The following GRIA3 variants were observed in gnomAD, a reference collection of about 807,000 sequenced individuals.
The protein encoded by GRIA3 is glutamate receptor 3.
GRIA3 carries 3 observed loss-of-function variants against 63.0 expected under a neutral mutation model. That is an observed-to-expected ratio of 0.05 (90% CI 0.02 to 0.12). The LOEUF (loss-of-function observed/expected upper bound fraction) is 0.12. Ranked by LOEUF, GRIA3 falls within the 10% of genes least tolerant of loss-of-function variation. The pLI, the probability that GRIA3 is intolerant of heterozygous loss-of-function variation, is 1.00. For synonymous variants in GRIA3, 274 were observed against 257.9 expected, an observed-to-expected ratio of 1.06 and a Z score of -0.60; for missense variants, 347 against 700.9, an observed-to-expected ratio of 0.50 and a Z score of 5.70.
chrX:123,442,741 T>G (rs2045682014), intron 12 of GRIA3, among the ~76,000 whole-genome samples: 1 of 111,572 alleles, frequency 9.0e-6, no homozygotes, highest in Admixed American at 9.5e-5. Flanking sequence ...GTTTTTCCAA[T>G]AATCTGTGTT....
intron 12 of GRIA3, among the ~76,000 whole-genome samples, chrX:123,429,613 T>C (rs1033233912): frequency 1.3e-4 from 15 of 111,834 alleles, no homozygotes; most frequent in African/African-American, 4.9e-4. Flanking sequence ...ATCTGATGAG[T>C]AGTCAACACA....
intron 5 of GRIA3, among the ~76,000 whole-genome samples, chrX:123,356,354 C>T (rs1201325288): frequency 9.2e-6 from 1 of 108,917 alleles, no homozygotes; most frequent in Non-Finnish European, 1.9e-5. Context: ...TCTCTTTCCC[C>T]TTTCCTTCTC....
At chrX:123,416,282 A>G (rs1047763929) in intron 10 of GRIA3, among the ~76,000 whole-genome samples, 6 of 111,862 alleles carry the variant, frequency 5.4e-5, no homozygotes, top group African/African-American at 1.6e-4. Flanking sequence ...TTGAAAATAT[A>G]CTCTATATCA....
chrX:123,284,298 G>A (rs963780416), intron 3 of GRIA3, among the ~76,000 whole-genome samples: 14 of 111,654 alleles, frequency 1.3e-4, no homozygotes, highest in South Asian at 1.1e-3. Context: ...AAGAAAAACC[G>A]GCACAAAAAG....
chrX:123,299,140 A>G (rs1281204405), intron 3 of GRIA3, among the ~76,000 whole-genome samples: 1 of 111,425 alleles, frequency 9.0e-6, no homozygotes, highest in Non-Finnish European at 1.9e-5. Context: ...GCCTTGTACT[A>G]TAGTATGAAG....
chrX:123,386,374 T>A (rs2045354281), intron 5 of GRIA3, among the ~76,000 whole-genome samples: 1 of 111,982 alleles, frequency 8.9e-6, no homozygotes, highest in South Asian at 3.7e-4. Context: ...GTTGGATGAA[T>A]AGTTTACAAA....
At chrX:123,354,392 C>G (rs2045118882) in intron 4 of GRIA3, among the ~76,000 whole-genome samples, 1 of 111,909 alleles carries the variant, frequency 8.9e-6, no homozygotes, top group African/African-American at 3.2e-5. Flanking sequence ...CAAACTAAAG[C>G]AGGAAAAGGA....
chrX:123,290,416 G>T (rs747476953), intron 3 of GRIA3, among the ~76,000 whole-genome samples: 1 of 111,590 alleles, frequency 9.0e-6, no homozygotes, highest in East Asian at 2.8e-4. Flanking sequence ...ACACAGAGTA[G>T]ATTAACTAAT....
At chrX:123,347,541 C>T (rs1403797775) in intron 4 of GRIA3, among the ~76,000 whole-genome samples, 1 of 112,142 alleles carries the variant, frequency 8.9e-6, no homozygotes, top group Non-Finnish European at 1.9e-5. Flanking sequence ...ATGGAAAATG[C>T]ATAGACGAGG....
chrX:123,208,556 T>C (rs746361586), intron 2 of GRIA3, among the ~76,000 whole-genome samples: 3 of 112,257 alleles, frequency 2.7e-5, no homozygotes, highest in Admixed American at 9.4e-5. Context: ...ACTCAAACCA[T>C]TGAAGTCAGA....
At chrX:123,201,935 A>G (rs764711393) in intron 2 of GRIA3, among the ~76,000 whole-genome samples, 1 of 112,109 alleles carries the variant, frequency 8.9e-6, no homozygotes, top group Non-Finnish European at 1.9e-5. Flanking sequence ...GATTGCTGTC[A>G]TCCCCGGCAA....
At chrX:123,412,812 T>A (rs2045514273) in intron 10 of GRIA3, among the ~76,000 whole-genome samples, 1 of 111,098 alleles carries the variant, frequency 9.0e-6, no homozygotes, top group Admixed American at 9.6e-5. Context: ...TCTACATCAG[T>A]GAGGTACAAC....
chrX:123,270,456 T>C (rs1441813606), intron 3 of GRIA3, among the ~76,000 whole-genome samples: 1 of 112,757 alleles, frequency 8.9e-6, no homozygotes, highest in East Asian at 2.8e-4. Context: ...CTAAAGTCAG[T>C]GTTCCCCAAA....
chrX:123,483,114 T>A (rs933015377), intron 15 of GRIA3, 68 bp downstream of exon 15: 3 of 815,355 alleles, frequency 3.7e-6, no homozygotes, highest in Non-Finnish European at 5.3e-6. Flanking sequence ...TTTTCTTCTT[T>A]TTTTTTTTTT....
chrX:123,323,673 T>C (rs745561173), intron 3 of GRIA3, among the ~76,000 whole-genome samples: 5 of 111,629 alleles, frequency 4.5e-5, no homozygotes, highest in Non-Finnish European at 5.6e-5. Flanking sequence ...GAGGCCATTT[T>C]CCAGATTTGA....
chrX:123,287,636 GC>G (rs1267582361), intron 3 of GRIA3, among the ~76,000 whole-genome samples: 1 of 111,534 alleles, frequency 9.0e-6, no homozygotes, highest in African/African-American at 3.3e-5. Flanking sequence ...CAAACAGAGA[GC>G]CAATTCATGA....
At chrX:123,368,711 T>C (rs2045229025) in intron 5 of GRIA3, among the ~76,000 whole-genome samples, 1 of 109,773 alleles carries the variant, frequency 9.1e-6, no homozygotes, top group Non-Finnish European at 1.9e-5. Context: ...TTTACAAAAG[T>C]TTCAGAAAGG....
chrX:123,225,172 G>A lies in GRIA3; in HGVS notation c.269-28131G>A, dbSNP rs143950282. ...GTATGTAATTTGGGGCAAGTCAACC[G>A]GTGTCTCTAAGCTTCAATGTTCTCA... On this transcript the variant is annotated intron_variant, in intron 2 of 15. Coordinates refer to ENST00000620443, the MANE Select transcript of GRIA3 (RefSeq NM_007325.5). Among the ~76,000 whole-genome samples, 35 of 111,766 alleles carry A rather than the reference G, an allele frequency of 3.1e-4. No homozygotes were observed. The East Asian group carries it at 8.7e-3, about 28-fold the overall frequency.
At chrX:123,369,753 G>A (rs751938077) in intron 5 of GRIA3, among the ~76,000 whole-genome samples, 45 of 111,888 alleles carry the variant, frequency 4.0e-4, no homozygotes, top group Non-Finnish European at 7.5e-4. Flanking sequence ...GATCTGTATG[G>A]TGGCCATTTC....
Sources: allele counts gnomAD v4.1 joint callset (sites outside exome capture counted in the v4.1 genomes callset), GRCh38; gene constraint gnomAD v4.1.1; transcripts MANE v1.5; gene names NCBI Gene and HGNC (gene_info 2026-07-23, HGNC 2026-07-21).